The following CSRNP3 variants were observed in gnomAD, a reference collection of about 807,000 sequenced individuals.
The protein encoded by CSRNP3 is cysteine and serine rich nuclear protein 3.
CSRNP3 carries 12 observed loss-of-function variants against 48.0 expected under a neutral mutation model. The observed-to-expected ratio is 0.25, with a 90% CI of 0.16 to 0.41. The LOEUF is 0.41. Ranked by LOEUF, CSRNP3 falls within the 10% of genes least tolerant of loss-of-function variation. CSRNP3 has a pLI of 1.00. For missense variants in CSRNP3, 580 were observed against 724.4 expected (o/e 0.80, Z 2.29); for synonymous variants, 263 against 269.7 (o/e 0.98, Z 0.24).
At chr2:165,526,256 CA>C (rs1226535538) in intron 3 of CSRNP3, among the ~76,000 whole-genome samples, 2 of 151,974 alleles carry the variant, frequency 1.3e-5, no homozygotes, top group Admixed American at 1.3e-4. Flanking sequence ...TAGATATCTA[CA>C]AAAAAGCCTG....
chr2:165,548,800 T>C (rs1426366666), intron 3 of CSRNP3, among the ~76,000 whole-genome samples: 3 of 152,030 alleles, frequency 2.0e-5, no homozygotes, highest in African/African-American at 7.2e-5. Context: ...CTATGATGAA[T>C]CTGTTGTGGA....
chr2:165,563,936 C>T (rs998977514), intron 3 of CSRNP3, among the ~76,000 whole-genome samples: 1 of 152,016 alleles, frequency 6.6e-6, no homozygotes, highest in African/African-American at 2.4e-5. Flanking sequence ...CCCGCTCCCC[C>T]CAGACAAGTA....
chr2:165,476,587 A>G (rs76850397), intron 1 of CSRNP3, among the ~76,000 whole-genome samples: 1 of 152,360 alleles, frequency 6.6e-6, no homozygotes, highest in East Asian at 1.9e-4. Context: ...CTAGAAATGC[A>G]TCATTTGAGC....
At chr2:165,630,061 A>G (rs962486495) in intron 4 of CSRNP3, among the ~76,000 whole-genome samples, 16 of 152,178 alleles carry the variant, frequency 1.1e-4, no homozygotes, top group Non-Finnish European at 7.3e-5. Context: ...AAGACTCTCA[A>G]CAGACTGTAC....
rs1553472387 is a variant in CSRNP3 at position 165,520,783 on chromosome 2, T to TTATATACATA, written c.-24+2828_-24+2829insCATATATATA. Among the ~76,000 whole-genome samples the TTATATACATA allele has an allele frequency of 4.8e-3, 141 of 29,638 alleles. 3 individuals are homozygous for TTATATACATA. Among genetic ancestry groups the TTATATACATA allele is most frequent in the Admixed American group, 8.7e-3 (18 of 2,064 alleles). The allele number at this position is 29,638 out of a possible 152,430, so 19.4% of individuals were successfully genotyped here. On this transcript the variant is annotated intron_variant, in intron 3 of 6. Coordinates refer to ENST00000651982, the MANE Select transcript of CSRNP3 (RefSeq NM_001172173.2). ...TATAGAAATATATTATATATATATATTATATATATATATATATATATATAT... is the reference window on the plus strand; with the variant it reads ...TATAGAAATATATTATATATATATATTATATACATATATATATATATATATATATATATAT...
intron 1 of CSRNP3, among the ~76,000 whole-genome samples, chr2:165,476,830 T>C (rs1393060469): frequency 3.3e-5 from 5 of 152,244 alleles, no homozygotes; most frequent in African/African-American, 1.2e-4. Flanking sequence ...ATAGAGGACT[T>C]TTCAGTGCAG....
intron 3 of CSRNP3, among the ~76,000 whole-genome samples, chr2:165,559,796 C>CTTTTTTTTTTTTT (rs11313094): frequency 1.0e-5 from 1 of 98,422 alleles, no homozygotes; most frequent in Non-Finnish European, 1.9e-5. Context: ...TTCTTTCTTT[C>CTTTTTTTTTTTTT]TTTTTTTTTT....
chr2:165,601,728 T>C (rs1404001841), intron 4 of CSRNP3, among the ~76,000 whole-genome samples: 2 of 150,204 alleles, frequency 1.3e-5, no homozygotes, highest in African/African-American at 4.9e-5. Context: ...AAGGCATAAA[T>C]ATGCCATCAT....
chr2:165,660,272 G>A (rs1687074730), intron 5 of CSRNP3, among the ~76,000 whole-genome samples: 1 of 152,156 alleles, frequency 6.6e-6, no homozygotes, highest in African/African-American at 2.4e-5. Flanking sequence ...ATGATTTAAT[G>A]TAATCCTCAG....
chr2:165,658,102 A>G, intron 5 of CSRNP3, 82 bp downstream of exon 5: 3 of 1,442,304 alleles, frequency 2.1e-6, no homozygotes, highest in Non-Finnish European at 2.8e-6. Flanking sequence ...ATTTATAATC[A>G]CGAAACAAAC....
chr2:165,564,647 A>T (rs1441519925), intron 3 of CSRNP3, among the ~76,000 whole-genome samples: 3 of 151,640 alleles, frequency 2.0e-5, no homozygotes, highest in Non-Finnish European at 2.9e-5. Context: ...ATTTGTTTGT[A>T]TTTCTGGCCA....
At chr2:165,649,038 C>T (rs1558961629) in intron 4 of CSRNP3, among the ~76,000 whole-genome samples, 1 of 152,082 alleles carries the variant, frequency 6.6e-6, no homozygotes, top group African/African-American at 2.4e-5. Flanking sequence ...CTTGTGTGGA[C>T]GTAACTGACA....
rs953903280 is a variant in CSRNP3, at chr2:165,678,818, C to T, written c.823C>T (p.Leu275Phe). The T allele has an allele frequency of 2.5e-6, 4 of 1,614,064 alleles. No homozygotes were observed. Among genetic ancestry groups the T allele is most frequent in the East Asian group, 2.2e-5 (1 of 44,834 alleles). ...RTHFLHTIMK[L>F]ELEKNREQQI... ...TCACTTTTTGCACACAATAATGAAA[C>T]TTGAACTGGAGAAAAACCGAGAGCA... The change falls in exon 7 of 7, where the codon CTT becomes TTT. Residue 275 changes from leucine (L) to phenylalanine (F), a missense_variant. Coordinates refer to ENST00000651982, the MANE Select transcript of CSRNP3 (RefSeq NM_001172173.2).
chr2:165,642,130 A>G (rs1302725946), intron 4 of CSRNP3, among the ~76,000 whole-genome samples: 1 of 151,628 alleles, frequency 6.6e-6, no homozygotes, highest in Non-Finnish European at 1.5e-5. Flanking sequence ...ACACACACAC[A>G]CACACACACA....
intron 4 of CSRNP3, among the ~76,000 whole-genome samples, chr2:165,653,972 C>CAAAAAAAAAAAAAAAAAAAAAAAAAAA (rs71028497): frequency 2.4e-5 from 1 of 41,204 alleles, no homozygotes; most frequent in African/African-American, 9.9e-5. Flanking sequence ...AGCTCTATCA[C>CAAAAAAAAAAAAAAAAAAAAAAAAAAA]AAAAAAAAAA....
Position 165,482,969 on chromosome 2 carries a change from C to A in CSRNP3, c.-282-11790C>A, listed in dbSNP as rs1266757578. Among the ~76,000 whole-genome samples the A allele has an allele frequency of 1.9e-4, 29 of 151,828 alleles. 1 individual carries two copies. The highest frequency in any genetic ancestry group is 1.9e-3 in the Admixed American group (29 of 15,238). Reference sequence around the variant, plus strand: ...ATCAACCTAAGCCCATGATTATATCCAAGCTATTTATTAAGTGTTCTTGCA... The same window carrying A: ...ATCAACCTAAGCCCATGATTATATCAAAGCTATTTATTAAGTGTTCTTGCA... On this transcript the variant is annotated intron_variant, in intron 1 of 6. Transcript: ENST00000651982.
At chr2:165,471,997 C>T (rs1450026336) in intron 1 of CSRNP3, among the ~76,000 whole-genome samples, 1 of 151,938 alleles carries the variant, frequency 6.6e-6, no homozygotes, top group Non-Finnish European at 1.5e-5. Context: ...TTGGTACAAA[C>T]ATTTTTAAGA....
intron 3 of CSRNP3, among the ~76,000 whole-genome samples, chr2:165,540,527 A>G (rs73029818): frequency 0.013 from 1,908 of 152,196 alleles, 27 homozygotes; most frequent in African/African-American, 0.043. Flanking sequence ...TCTCCTCCTT[A>G]TCTCCTTCGA....
At chr2:165,586,163 G>A (rs571562858) in intron 3 of CSRNP3, among the ~76,000 whole-genome samples, 4 of 152,272 alleles carry the variant, frequency 2.6e-5, no homozygotes, top group African/African-American at 9.6e-5. Context: ...ATCAGTGGTA[G>A]GCAGGCCTGT....
Sources: gnomAD v4.1 joint callset for allele counts (sites outside exome capture counted in the v4.1 genomes callset) on GRCh38, gnomAD v4.1.1 for gene constraint, MANE v1.5 for transcripts, NCBI Gene and HGNC (gene_info 2026-07-23, HGNC 2026-07-21) for gene names.